The following GCC2 variants were observed in gnomAD, a reference collection of about 807,000 sequenced individuals.
GCC2 encodes the protein GRIP and coiled-coil domain containing 2.
GCC2 carries 120 observed loss-of-function variants against 210.6 expected under a neutral mutation model. The observed-to-expected ratio is 0.57, with a 90% CI of 0.49 to 0.66. The LOEUF is 0.66. Among genes scored for constraint, GCC2 ranks in the 30% least tolerant of loss-of-function variants. GCC2 has a pLI of 0.00. For synonymous variants in GCC2, 703 were observed against 652.7 expected, an observed-to-expected ratio of 1.08 and a Z score of -1.17; for missense variants, 1,868 against 1,871.9, an observed-to-expected ratio of 1.00 and a Z score of 0.04.
chr2:108,498,874 A>G (rs1682781524), intron 21 of GCC2, among the ~76,000 whole-genome samples: 1 of 151,454 alleles, frequency 6.6e-6, no homozygotes, highest in Non-Finnish European at 1.5e-5. Flanking sequence ...TGTTCCCCTC[A>G]GCCCATTTTC....
chr2:108,488,313 T>A (rs1157367899), intron 17 of GCC2, among the ~76,000 whole-genome samples: 1 of 152,168 alleles, frequency 6.6e-6, no homozygotes, highest in Non-Finnish European at 1.5e-5. Flanking sequence ...GGAAACTTCA[T>A]TACAAAGAAC....
intron 10 of GCC2, among the ~76,000 whole-genome samples, chr2:108,482,061 C>T (rs568337597): frequency 4.6e-5 from 7 of 152,212 alleles, no homozygotes; most frequent in Admixed American, 3.9e-4. Context: ...TTTTTCGTTT[C>T]TGCTCTTTGC....
At chr2:108,451,674 C>T (rs1315604800) in intron 3 of GCC2, among the ~76,000 whole-genome samples, 1 of 151,856 alleles carries the variant, frequency 6.6e-6, no homozygotes, top group Non-Finnish European at 1.5e-5. Context: ...ACTGCTTAGC[C>T]TAAAAGCTAA....
Position 108,471,738 on chromosome 2 carries a change from G to A in GCC2, c.2409G>A (p.Gln803=). 1 of 1,613,136 alleles carries A rather than the reference G, an allele frequency of 6.2e-7. No homozygotes were observed. Among genetic ancestry groups the A allele is most frequent in the Non-Finnish European group, 8.5e-7 (1 of 1,179,582 alleles). Residue 803 remains glutamine (Q), a synonymous_variant, in exon 6 of 23, where the codon CAG becomes CAA. Coordinates refer to ENST00000309863, the MANE Select transcript of GCC2 (RefSeq NM_181453.4). ...INEEKCNLAF[Q]RDEKVLELEK... is the part of the protein sequence containing the mutation. ...AGGAAAAATGCAACCTGGCTTTTCA[G>A]CGTGATGAAAAAGTATTAGAGTTAG...
chr2:108,471,376 T>C lies in GCC2; in HGVS notation c.2047T>C (p.Leu683=), dbSNP rs1391057767. ...AGTTCTCTCTGAAGACAAAGAAGTA[T>C]TGTCAGCTGAAGTGAAGTCTCTTTA... ...MKVLSEDKEV[L]SAEVKSLYEE... Residue 683 remains leucine, a synonymous_variant, in exon 6 of 23, where the codon TTG becomes CTG. Coordinates refer to ENST00000309863, the MANE Select transcript of GCC2 (RefSeq NM_181453.4). 3.7e-6 allele frequency: 6 copies of C among 1,608,984 alleles called. No homozygotes were observed. The highest frequency in any genetic ancestry group is 2.2e-5 in the East Asian group (1 of 44,802).
Position 108,485,921 on chromosome 2 carries a change from C to G in GCC2, c.3792+13C>G. ...AGAAGTCTATAAAGTAAGGGTTTTA[C>G]TTTTTAAGATTAAAAAAATGTTTTT... On this transcript the variant is annotated intron_variant, in intron 15 of 22. Coordinates refer to ENST00000309863, the MANE Select transcript of GCC2 (RefSeq NM_181453.4). 1 of 1,426,890 alleles carries G rather than the reference C, an allele frequency of 7.0e-7. No individual in the cohort carries two copies. Among genetic ancestry groups the G allele is most frequent in the Non-Finnish European group, 9.6e-7 (1 of 1,041,820 alleles). The allele number at this position is 1,426,890 out of a possible 1,614,324, so 88.4% of individuals were successfully genotyped here.
chr2:108,477,451 C>T (rs1681601600), intron 9 of GCC2, among the ~76,000 whole-genome samples: 1 of 152,166 alleles, frequency 6.6e-6, no homozygotes, highest in Non-Finnish European at 1.5e-5. Context: ...ACTCCGATTT[C>T]TTAAGAGACC....
At chr2:108,500,591 T>G (rs1443454758) in intron 22 of GCC2, among the ~76,000 whole-genome samples, 3 of 152,226 alleles carry the variant, frequency 2.0e-5, no homozygotes, top group Non-Finnish European at 4.4e-5. Context: ...TACTGTGATG[T>G]CATTAACTTC....
chr2:108,503,097 G>C (rs1573242870), intron 22 of GCC2, among the ~76,000 whole-genome samples: 1 of 151,852 alleles, frequency 6.6e-6, no homozygotes, highest in Admixed American at 6.5e-5. Flanking sequence ...GAAGAGAATG[G>C]CTGGAAATCT....
At chr2:108,502,809 G>C (rs1016937372) in intron 22 of GCC2, among the ~76,000 whole-genome samples, 3 of 151,898 alleles carry the variant, frequency 2.0e-5, no homozygotes, top group African/African-American at 7.3e-5. Flanking sequence ...TGTAATCCCA[G>C]CTACTTGGGA....
chr2:108,492,831 C>A, intron 19 of GCC2, 41 bp downstream of exon 19: 1 of 1,375,026 alleles, frequency 7.3e-7, no homozygotes, highest in Non-Finnish European at 1.0e-6. Context: ...TTCATGTTTT[C>A]ATGCATTTGT....
rs758740075 is a variant in GCC2, at chr2:108,452,477, C to T, written c.216+11C>T. 1.0e-4 allele frequency: 147 copies of T among 1,450,052 alleles called. No homozygotes were observed. The highest frequency in any genetic ancestry group is 1.4e-4 in the East Asian group (6 of 44,016). 89.8% of individuals were successfully genotyped at this position (1,450,052 alleles called of 1,614,324 possible). A position where few individuals can be genotyped will look rare whatever the true frequency, so the allele number is the denominator to read the frequency against. ...GGTGATATTATTAAGGTAATTATTA[C>T]GTTGGGAAATGTCTAAAGAGAAATA... On this transcript the variant is annotated intron_variant, in intron 4 of 22. Transcript: ENST00000309863.
intron 17 of GCC2, among the ~76,000 whole-genome samples, chr2:108,489,180 TA>T (rs1682284880): frequency 6.6e-6 from 1 of 152,248 alleles, no homozygotes; most frequent in Admixed American, 6.5e-5. Context: ...TCTTTCACTG[TA>T]ACTTGGTCTG....
intron 20 of GCC2, chr2:108,496,444 C>A (rs1299882826): frequency 1.8e-5 from 3 of 164,818 alleles, no homozygotes; most frequent in African/African-American, 7.4e-5. Context: ...ATAGTGGTGA[C>A]ATGGAGGCAT....
rs1390150348 is a variant in GCC2, at chr2:108,469,908, C to T, written c.579C>T (p.Gly193=). The T allele has an allele frequency of 1.2e-6, 2 of 1,613,530 alleles. No individual in the cohort carries two copies. The highest frequency in any genetic ancestry group is 1.3e-5 in the African/African-American group (1 of 74,998). Residue 193 remains glycine, a synonymous_variant, in exon 6 of 23, where the codon GGC becomes GGT. Transcript: ENST00000309863. Reference sequence around the variant, plus strand: ...AAGAGATTGAGAAAATTAGGCCAGGCTTTGAGGAGCAAATTTTATATCTGC... The same window carrying T: ...AAGAGATTGAGAAAATTAGGCCAGGTTTTGAGGAGCAAATTTTATATCTGC... The part of the protein sequence containing the change: ...LQEEIEKIRP[G]FEEQILYLQK...
At chr2:108,485,598 G>T in intron 13 of GCC2, 38 bp from the exon 14 acceptor site, 1 of 1,072,820 alleles carries the variant, frequency 9.3e-7, no homozygotes. Flanking sequence ...GATAAAAATT[G>T]TTACATCTTT....
chr2:108,491,245 CAGATGGGGGGTTTAAGCGTTT>C (rs1488227706), intron 18 of GCC2, among the ~76,000 whole-genome samples: 1 of 152,118 alleles, frequency 6.6e-6, no homozygotes, highest in East Asian at 1.9e-4. Context: ...ATTCTGATTC[CAGATGGGGGGTTTAAGCGTTT>C]AGCTTTCAAA....
At chr2:108,487,393 T>C (rs1456201575) in intron 16 of GCC2, among the ~76,000 whole-genome samples, 1 of 152,174 alleles carries the variant, frequency 6.6e-6, no homozygotes, top group Admixed American at 6.5e-5. Context: ...GAAGACCTGA[T>C]AAATGTTGGA....
At position 108,449,235 on chromosome 2, in the gene GCC2, T is replaced by G; in HGVS notation, c.-40T>G. On this transcript the variant is annotated 5_prime_UTR_variant, in exon 1 of 23. Coordinates refer to ENST00000309863, the MANE Select transcript of GCC2 (RefSeq NM_181453.4). ...GCTGGCGCAAACAGAAGTGCAGCGG[T>G]GGCGGCGGCTGGTTGCGGGCCGGCG... 6.5e-7 allele frequency: 1 copy of G among 1,545,338 alleles called. No homozygotes were observed. Among genetic ancestry groups the G allele is most frequent in the Non-Finnish European group, 8.8e-7 (1 of 1,142,018 alleles).
Sources: allele counts gnomAD v4.1 joint callset (sites outside exome capture counted in the v4.1 genomes callset), GRCh38; gene constraint gnomAD v4.1.1; transcripts MANE v1.5; gene names NCBI Gene and HGNC (gene_info 2026-07-23, HGNC 2026-07-21).